ERG: variants seen among roughly 807,000 people sequenced by gnomAD.
ERG encodes ETS transcription factor ERG, also known as transcriptional regulator ERG.
A neutral mutation model predicts 55.3 loss-of-function variants in ERG; 9 were observed. That is an observed-to-expected ratio of 0.16 (90% confidence interval 0.10 to 0.28). ERG has a LOEUF of 0.28. ERG is among the 10% of genes least tolerant of loss of function. ERG has a pLI of 1.00. For synonymous variants in ERG, 223 were observed against 237.3 expected, an observed-to-expected ratio of 0.94 and a Z score of 0.55; for missense variants, 434 against 631.6, an observed-to-expected ratio of 0.69 and a Z score of 3.35.
chr21:38,445,089 C>T (rs370801481), intron 2 of ERG, among the ~76,000 whole-genome samples: 15 of 151,950 alleles, frequency 9.9e-5, no homozygotes, highest in African/African-American at 3.4e-4. Context: ...ATTTTCCCAG[C>T]GCTGTCCAAC....
At chr21:38,387,645 G>C (rs1395577744) in intron 9 of ERG, among the ~76,000 whole-genome samples, 1 of 152,142 alleles carries the variant, frequency 6.6e-6, no homozygotes, top group Non-Finnish European at 1.5e-5. Context: ...CAGAGTTTAA[G>C]GAAAGATAAC....
At position 38,570,992 on chromosome 21, in the gene ERG, T is replaced by C. The variant is rs543390416; in HGVS notation, c.-41+4670A>G. ...AAAATATTATAGAGACAGAACTCTT[T>C]TTAGGAAATGCAATCATGTGAATTT... On this transcript the variant is annotated intron_variant, in intron 2 of 8. Transcript: ENST00000398897. Among the ~76,000 whole-genome samples, 107 of 152,320 alleles carry C rather than the reference T, an allele frequency of 7.0e-4. 1 individual carries two copies. The highest frequency in any genetic ancestry group is 2.2e-3 in the African/African-American group (90 of 41,568).
At chr21:38,481,638 A>T (rs1165924520) in intron 1 of ERG, among the ~76,000 whole-genome samples, 1 of 152,162 alleles carries the variant, frequency 6.6e-6, no homozygotes, top group Non-Finnish European at 1.5e-5. Flanking sequence ...ACAAAAACAA[A>T]CGTAGCTATT....
chr21:38,409,474 G>A (rs1178648661), intron 3 of ERG, among the ~76,000 whole-genome samples: 15 of 117,496 alleles, frequency 1.3e-4, no homozygotes, highest in South Asian at 3.0e-4. Context: ...CAACAAGAGC[G>A]AAACTCCGTC....
At chr21:38,485,171 A>G (rs578211878) in intron 1 of ERG, among the ~76,000 whole-genome samples, 1 of 152,244 alleles carries the variant, frequency 6.6e-6, no homozygotes, top group East Asian at 1.9e-4. Flanking sequence ...AAAAACAGTG[A>G]TATTGATGAT....
At chr21:38,539,713 T>C (rs139069590) in intron 2 of ERG, among the ~76,000 whole-genome samples, 32 of 152,238 alleles carry the variant, frequency 2.1e-4, no homozygotes, top group Admixed American at 6.5e-4. Flanking sequence ...GTTTTGCTAA[T>C]GGGTCATGCT....
chr21:38,515,959 A>C (rs1479109790), intron 2 of ERG, among the ~76,000 whole-genome samples: 1 of 152,100 alleles, frequency 6.6e-6, no homozygotes, highest in Admixed American at 6.5e-5. Flanking sequence ...CTCTCAACAA[A>C]CTAGGTACAG....
chr21:38,624,497 C>T (rs2060312911), intron 1 of ERG, among the ~76,000 whole-genome samples: 1 of 152,204 alleles, frequency 6.6e-6, no homozygotes, highest in African/African-American at 2.4e-5. Context: ...CTCATCCCGG[C>T]GAACTCCTGC....
At chr21:38,624,229 T>C (rs994447528) in intron 1 of ERG, among the ~76,000 whole-genome samples, 3 of 148,692 alleles carry the variant, frequency 2.0e-5, no homozygotes, top group African/African-American at 7.4e-5. Context: ...CCTGGCTGCA[T>C]GCTCTGGCAT....
intron 2 of ERG, among the ~76,000 whole-genome samples, chr21:38,523,375 G>A (rs1282345525): frequency 6.6e-6 from 1 of 152,152 alleles, no homozygotes; most frequent in African/African-American, 2.4e-5. Context: ...CATTCTTGCT[G>A]ATATATCTTA....
At chr21:38,623,702 C>T (rs2060307409) in intron 1 of ERG, among the ~76,000 whole-genome samples, 1 of 152,116 alleles carries the variant, frequency 6.6e-6, no homozygotes, top group Non-Finnish European at 1.5e-5. Flanking sequence ...ACCTAAGTTG[C>T]TCAGCACTGA....
At chr21:38,499,143 T>C (rs1267008125), upstream of ERG, among the ~76,000 whole-genome samples, 1 of 152,170 alleles carries the variant, frequency 6.6e-6, no homozygotes, top group African/African-American at 2.4e-5. Flanking sequence ...AAAATAAACC[T>C]TCCTAAGTCT....
intron 2 of ERG, among the ~76,000 whole-genome samples, chr21:38,563,064 G>C (rs1389001830): frequency 6.6e-6 from 1 of 152,188 alleles, no homozygotes; most frequent in Non-Finnish European, 1.5e-5. Flanking sequence ...ATGACAGTCT[G>C]GAAATGGCAA....
chr21:38,607,487 C>G (rs1381756050), intron 1 of ERG, among the ~76,000 whole-genome samples: 1 of 151,998 alleles, frequency 6.6e-6, no homozygotes, highest in African/African-American at 2.4e-5. Flanking sequence ...AAAAAATTAG[C>G]CGGGCATGGT....
chr21:38,426,458 G>A (rs1020440711), intron 2 of ERG, among the ~76,000 whole-genome samples: 1 of 152,162 alleles, frequency 6.6e-6, no homozygotes, highest in Non-Finnish European at 1.5e-5. Context: ...CCCAGATGAT[G>A]TGAGTAACTC....
At chr21:38,525,129 T>C (rs1324372955) in intron 2 of ERG, among the ~76,000 whole-genome samples, 3 of 152,230 alleles carry the variant, frequency 2.0e-5, no homozygotes, top group Middle Eastern at 6.8e-3. Flanking sequence ...TTTTTAAAAC[T>C]AAAAGAGAAA....
intron 1 of ERG, among the ~76,000 whole-genome samples, chr21:38,630,106 G>A (rs1193153680): frequency 6.6e-6 from 1 of 152,108 alleles, no homozygotes; most frequent in Admixed American, 6.5e-5. Context: ...CTATGGAAAG[G>A]GGGAAGGGGG....
chr21:38,475,289 T>G (rs1309907775), intron 1 of ERG, among the ~76,000 whole-genome samples: 1 of 152,166 alleles, frequency 6.6e-6, no homozygotes, highest in Non-Finnish European at 1.5e-5. Context: ...AGTTTTTCTC[T>G]GTGCCTTTAA....
chr21:38,521,084 G>C (rs1601180520), intron 2 of ERG, among the ~76,000 whole-genome samples: 2 of 152,240 alleles, frequency 1.3e-5, no homozygotes, highest in Admixed American at 1.3e-4. Context: ...CCATCACTTA[G>C]AAGCCCAGCA....
Sources: allele counts gnomAD v4.1 joint callset (sites outside exome capture counted in the v4.1 genomes callset), GRCh38; gene constraint gnomAD v4.1.1; transcripts MANE v1.5; gene names NCBI Gene and HGNC (gene_info 2026-07-23, HGNC 2026-07-21).